Variants in LRBA observed in about 807,000 individuals in gnomAD.
LRBA encodes the protein lipopolysaccharide-responsive and beige-like anchor protein.
A neutral mutation model predicts 330.0 loss-of-function variants in LRBA; 176 were observed. That is an observed-to-expected ratio of 0.53 (90% CI 0.47 to 0.60). The LOEUF (loss-of-function observed/expected upper bound fraction) is 0.60, where lower values mean the gene tolerates loss of function less well. Ranked by LOEUF, LRBA falls within the 20% of genes least tolerant of loss-of-function variation. The probability of loss-of-function intolerance (pLI) is 0.00; values close to 1 mark genes in which losing one functional copy is unlikely to be tolerated. For synonymous variants in LRBA, 1,230 were observed against 1,193.0 expected (o/e 1.03, Z -0.64); for missense variants, 3,259 against 3,444.8 (o/e 0.95, Z 1.35).
chr4:150,687,165 A>C (rs1783697116), intron 36 of LRBA, among the ~76,000 whole-genome samples: 1 of 152,132 alleles, frequency 6.6e-6, no homozygotes, highest in Admixed American at 6.5e-5. Context: ...AATATTTTTT[A>C]AATGTCCTTA....
In LRBA at chr4:150,908,643, A is replaced by AAG. The variant is rs771852322; in HGVS notation, c.1359+15_1359+16dup. ...AAATTACCATTATAAATGTTCTTAAAAGATCACAGTTAGTACCTGGAGCAT... is the reference window on the plus strand; with the variant it reads ...AAATTACCATTATAAATGTTCTTAAAAGAGATCACAGTTAGTACCTGGAGCAT... On this transcript the variant is annotated intron_variant, in intron 10 of 56. Transcript: ENST00000651943. 1.3e-6 allele frequency: 2 copies of AAG among 1,598,920 alleles called. No homozygotes were observed. Among genetic ancestry groups the AAG allele is most frequent in the Non-Finnish European group, 8.5e-7 (1 of 1,171,804 alleles).
chr4:150,438,532 TACACA>T (rs1377402055), intron 44 of LRBA, among the ~76,000 whole-genome samples: 2 of 152,120 alleles, frequency 1.3e-5, no homozygotes, highest in Non-Finnish European at 2.9e-5. Context: ...TAAAAAAAGA[TACACA>T]ACAGTCTTTT....
chr4:150,342,095 C>T (rs1191110851), intron 48 of LRBA, among the ~76,000 whole-genome samples: 1 of 151,980 alleles, frequency 6.6e-6, no homozygotes, highest in African/African-American at 2.4e-5. Context: ...TATTCTTACT[C>T]ATATCTGACC....
intron 36 of LRBA, chr4:150,721,495 A>T: frequency 4.3e-6 from 1 of 232,334 alleles, no homozygotes; most frequent in Non-Finnish European, 8.4e-6. Context: ...AAAAGAAAAG[A>T]CTCCTAAGAA....
chr4:150,461,227 A>G (rs1465334801), intron 44 of LRBA, among the ~76,000 whole-genome samples: 1 of 151,840 alleles, frequency 6.6e-6, no homozygotes, highest in Non-Finnish European at 1.5e-5. Flanking sequence ...CATAAATAAC[A>G]TTAAAACAGA....
chr4:150,852,870 A>G lies in LRBA; in HGVS notation c.2840T>C (p.Ile947Thr), dbSNP rs533294277. ...AACTGAAGTTGAAGAACACAGCCCT[A>G]TTTCTTCATCAACTTTTCCTTGCTG... ...REQQGKVDEE[I>T]GLCSSTSVQA... The change falls in exon 23 of 57, where the codon ATA becomes ACA. Residue 947 changes from isoleucine to threonine, a missense_variant. Transcript: ENST00000651943. 6.2e-7 allele frequency: 1 copy of G among 1,610,362 alleles called. No individual in the cohort carries two copies. The highest frequency in any genetic ancestry group is 2.2e-5 in the East Asian group (1 of 44,802).
chr4:150,952,850 A>G (rs1390137722), intron 2 of LRBA, among the ~76,000 whole-genome samples: 3 of 152,094 alleles, frequency 2.0e-5, no homozygotes, highest in African/African-American at 4.8e-5. Flanking sequence ...ACCTCCTCCC[A>G]GTCTTAATGC....
Position 150,916,730 on chromosome 4 carries a change from T to C in LRBA, c.654A>G (p.Ala218=), listed in dbSNP as rs146806295. 53 of 1,553,468 alleles carry C rather than the reference T, an allele frequency of 3.4e-5. No homozygotes were observed. The highest frequency in any genetic ancestry group is 4.4e-5 in the Non-Finnish European group (51 of 1,157,206). The change falls in exon 6 of 57, where the codon GCA becomes GCG. Residue 218 remains alanine (A), a synonymous_variant. Coordinates refer to ENST00000651943, the MANE Select transcript of LRBA (RefSeq NM_001364905.1). The part of the protein sequence containing the change: ...NFPGKSAAAI[A]LPPIAKWPYQ... ...ATGGCCATTTGGCTATAGGAGGTAA[T>C]GCAATAGCCTAAAGGAAAGAAACTT... is the stretch of plus-strand genomic sequence containing the variant.
At chr4:150,722,672 CG>C (rs1357896658) in intron 36 of LRBA, among the ~76,000 whole-genome samples, 1 of 151,846 alleles carries the variant, frequency 6.6e-6, no homozygotes, top group Non-Finnish European at 1.5e-5. Context: ...AGGCCTATCC[CG>C]TTTGTCCACC....
Position 150,583,846 on chromosome 4 carries a change from C to G in LRBA, c.6330+4202G>C. 6.2e-7 allele frequency: 1 copy of G among 1,614,208 alleles called. No individual in the cohort carries two copies. The highest frequency in any genetic ancestry group is 8.5e-7 in the Non-Finnish European group (1 of 1,180,030). On this transcript the variant is annotated intron_variant, in intron 40 of 56. Transcript: ENST00000651943. The surrounding 1 kb of genome is among the most constrained non-coding windows in gnomAD (Gnocchi z 9.8). ...ACCCGGCCAGCCGCTCAACAACTAC[C>G]ACATGAAGACGCTGCTGCTGTACGA...
At chr4:150,874,694 C>A (rs1753809807) in intron 17 of LRBA, among the ~76,000 whole-genome samples, 1 of 152,116 alleles carries the variant, frequency 6.6e-6, no homozygotes. Flanking sequence ...AGGCAGAAAT[C>A]CAGACATTCA....
chr4:150,308,870 G>C (rs553163295), intron 52 of LRBA, among the ~76,000 whole-genome samples: 2 of 152,066 alleles, frequency 1.3e-5, no homozygotes, highest in Non-Finnish European at 2.9e-5. Flanking sequence ...TCATTAAAAA[G>C]TTTATAAAGT....
chr4:150,892,831 A>T (rs1729605920), intron 17 of LRBA, among the ~76,000 whole-genome samples: 1 of 152,214 alleles, frequency 6.6e-6, no homozygotes, highest in Admixed American at 6.5e-5. Flanking sequence ...GGAATCATTT[A>T]TCTGTCTTCA....
rs74355549 is a variant in LRBA at position 150,284,089 on chromosome 4, T to C, written c.8120-1443A>G. Among the ~76,000 whole-genome samples the C allele has an allele frequency of 6.4e-3, 977 of 152,336 alleles. 5 individuals carry two copies. Among genetic ancestry groups the C allele is most frequent in the Middle Eastern group, 0.014 (4 of 294 alleles). ...TTTGAATTGAATATAAATGGAATTA[T>C]AGAAGAGCGAGCTGCCTGTGGGATG... On this transcript the variant is annotated intron_variant, in intron 54 of 56. Transcript: ENST00000651943.
At chr4:150,772,887 C>A (rs1361272906) in intron 34 of LRBA, among the ~76,000 whole-genome samples, 1 of 152,080 alleles carries the variant, frequency 6.6e-6, no homozygotes, top group Non-Finnish European at 1.5e-5. Context: ...AGTAACATAT[C>A]CAAATGAGGA....
At chr4:150,340,176 T>C (rs908015248) in intron 48 of LRBA, among the ~76,000 whole-genome samples, 1 of 152,212 alleles carries the variant, frequency 6.6e-6, no homozygotes, top group Non-Finnish European at 1.5e-5. Context: ...ATTAAACCTC[T>C]TTCCTTTAGA....
intron 35 of LRBA, among the ~76,000 whole-genome samples, chr4:150,740,989 C>T (rs1464864128): frequency 6.6e-6 from 1 of 152,010 alleles, no homozygotes; most frequent in Non-Finnish European, 1.5e-5. Flanking sequence ...TGACTTCTAC[C>T]TCAAACCATA....
intron 46 of LRBA, among the ~76,000 whole-genome samples, chr4:150,430,377 C>A (rs1424342374): frequency 6.6e-6 from 1 of 152,130 alleles, no homozygotes; most frequent in Non-Finnish European, 1.5e-5. Flanking sequence ...CCCACTGCAC[C>A]CAGGATAAAG....
chr4:150,294,845 G>A (rs984762220), intron 53 of LRBA, among the ~76,000 whole-genome samples: 3 of 152,078 alleles, frequency 2.0e-5, no homozygotes, highest in African/African-American at 4.8e-5. Context: ...CCAGCTACTC[G>A]GGAGCTAAGT....
Sources: allele counts gnomAD v4.1 joint callset (sites outside exome capture counted in the v4.1 genomes callset), GRCh38; gene constraint gnomAD v4.1.1; non-coding constraint Gnocchi (gnomAD v3.1); transcripts MANE v1.5; gene names NCBI Gene and HGNC (gene_info 2026-07-23, HGNC 2026-07-21).